Variants in SGCZ observed in about 807,000 individuals in gnomAD.
SGCZ encodes zeta-sarcoglycan.
Under a neutral mutation model 41.3 loss-of-function variants are expected in SGCZ, and 40 were observed. The observed-to-expected ratio is 0.97, with a 90% CI of 0.75 to 1.26. The LOEUF (loss-of-function observed/expected upper bound fraction) is 1.26. Ranked by LOEUF, SGCZ falls within the 50% of genes most tolerant of loss-of-function variation. The pLI, the probability that SGCZ is intolerant of heterozygous loss-of-function variation, is 0.00. For synonymous variants in SGCZ, 206 were observed against 137.5 expected (o/e 1.50, Z -3.49); for missense variants, 552 against 369.8 (o/e 1.49, Z -4.04).
At chr8:14,136,851 A>G (rs527290410) in intron 5 of SGCZ, among the ~76,000 whole-genome samples, 2 of 152,200 alleles carry the variant, frequency 1.3e-5, no homozygotes, top group Non-Finnish European at 2.9e-5. Flanking sequence ...TGCCTCCTCA[A>G]GTGGGTCCCC....
intron 1 of SGCZ, among the ~76,000 whole-genome samples, chr8:14,731,170 T>G (rs891658151): frequency 6.6e-6 from 1 of 151,416 alleles, no homozygotes; most frequent in African/African-American, 2.4e-5. Context: ...ATAAAGAAAA[T>G]GTGGCACATA....
At chr8:14,176,127 G>A (rs1265723312) in intron 4 of SGCZ, among the ~76,000 whole-genome samples, 3 of 152,062 alleles carry the variant, frequency 2.0e-5, no homozygotes, top group African/African-American at 7.2e-5. Context: ...TTTCTCAGTA[G>A]TACAAACAAA....
intron 1 of SGCZ, among the ~76,000 whole-genome samples, chr8:15,053,594 T>C (rs1012389130): frequency 6.6e-6 from 1 of 151,954 alleles, no homozygotes; most frequent in African/African-American, 2.4e-5. Flanking sequence ...CCATTCCGAG[T>C]TTCATGAGAT....
intron 1 of SGCZ, among the ~76,000 whole-genome samples, chr8:14,925,229 A>C (rs750402587): frequency 6.6e-6 from 1 of 152,144 alleles, no homozygotes; most frequent in Non-Finnish European, 1.5e-5. Flanking sequence ...GTATACCACA[A>C]ACTGTCTTAA....
chr8:15,143,445 G>C (rs932011029), intron 1 of SGCZ, among the ~76,000 whole-genome samples: 15 of 152,212 alleles, frequency 9.9e-5, no homozygotes, highest in African/African-American at 3.1e-4. Context: ...ATGTATTTAA[G>C]AGAATTTCAA....
At chr8:14,239,980 T>A (rs1382065523) in intron 3 of SGCZ, among the ~76,000 whole-genome samples, 1 of 149,970 alleles carries the variant, frequency 6.7e-6, no homozygotes, top group Non-Finnish European at 1.5e-5. Flanking sequence ...ATAATTAGGT[T>A]GAGAAGGCAA....
intron 2 of SGCZ, among the ~76,000 whole-genome samples, chr8:14,478,968 C>T (rs1014758709): frequency 3.9e-5 from 6 of 152,182 alleles, no homozygotes; most frequent in African/African-American, 1.2e-4. Flanking sequence ...AAACTGTCTG[C>T]TTCTAATGCC....
At chr8:14,548,042 T>C (rs145097645) in intron 2 of SGCZ, among the ~76,000 whole-genome samples, 10 of 152,294 alleles carry the variant, frequency 6.6e-5, no homozygotes, top group African/African-American at 2.2e-4. Flanking sequence ...TGATAGTATA[T>C]GTTGTTAATT....
intron 1 of SGCZ, among the ~76,000 whole-genome samples, chr8:14,804,431 C>T (rs377663064): frequency 3.6e-5 from 5 of 138,080 alleles, no homozygotes; most frequent in East Asian, 2.4e-4. Context: ...CCGTGAAGAA[C>T]GCAGAAGCCT....
At chr8:14,613,782 G>A (rs7009853) in intron 1 of SGCZ, among the ~76,000 whole-genome samples, 2 of 151,846 alleles carry the variant, frequency 1.3e-5, no homozygotes, top group Non-Finnish European at 2.9e-5. Flanking sequence ...TTAAACAGGG[G>A]TTTAATGAAG....
intron 1 of SGCZ, among the ~76,000 whole-genome samples, chr8:14,721,393 C>G (rs1426371940): frequency 6.6e-6 from 1 of 152,142 alleles, no homozygotes; most frequent in African/African-American, 2.4e-5. Flanking sequence ...ATACCTGATT[C>G]GTGCTTTTAT....
chr8:15,064,294 G>T (rs1217104461), intron 1 of SGCZ, among the ~76,000 whole-genome samples: 1 of 152,044 alleles, frequency 6.6e-6, no homozygotes, highest in East Asian at 1.9e-4. Context: ...TAGGTCTCTA[G>T]CATGCCATAT....
At chr8:14,375,675 G>A (rs1276901086) in intron 2 of SGCZ, among the ~76,000 whole-genome samples, 1 of 152,032 alleles carries the variant, frequency 6.6e-6, no homozygotes, top group Non-Finnish European at 1.5e-5. Context: ...CACAACTGTG[G>A]AAAATAACAC....
intron 1 of SGCZ, among the ~76,000 whole-genome samples, chr8:14,965,268 A>C (rs1050410324): frequency 9.2e-5 from 14 of 152,144 alleles, no homozygotes; most frequent in African/African-American, 3.1e-4. Flanking sequence ...AATCTGGTCC[A>C]GTCAAACTGG....
intron 1 of SGCZ, among the ~76,000 whole-genome samples, chr8:14,638,767 T>C (rs1806919830): frequency 6.6e-6 from 1 of 151,826 alleles, no homozygotes; most frequent in Non-Finnish European, 1.5e-5. Context: ...GAGATTGTAA[T>C]GGTTAGCTAA....
chr8:15,091,858 T>C (rs1207931400), intron 1 of SGCZ, among the ~76,000 whole-genome samples: 1 of 152,142 alleles, frequency 6.6e-6, no homozygotes, highest in Admixed American at 6.5e-5. Context: ...GCTCAGGTGA[T>C]CCTCCCACCT....
chr8:14,687,171 A>ATAT (rs1554480727), intron 1 of SGCZ, among the ~76,000 whole-genome samples: 361 of 141,292 alleles, frequency 2.6e-3, no homozygotes, highest in Middle Eastern at 7.2e-3. Flanking sequence ...AGAAAAAAAA[A>ATAT]ATATATATAT....
intron 4 of SGCZ, among the ~76,000 whole-genome samples, chr8:14,179,824 TC>T (rs1288693173): frequency 6.6e-6 from 1 of 152,014 alleles, no homozygotes; most frequent in Non-Finnish European, 1.5e-5. Flanking sequence ...TAGAAGATAC[TC>T]ATTCCTCACT....
intron 1 of SGCZ, among the ~76,000 whole-genome samples, chr8:14,870,888 G>A (rs188436734): frequency 2.4e-4 from 36 of 152,176 alleles, no homozygotes; most frequent in Middle Eastern, 3.4e-3. Context: ...ACCATCTCAC[G>A]CCAGTCAGAA....
Sources: gnomAD v4.1 joint callset for allele counts (sites outside exome capture counted in the v4.1 genomes callset) on GRCh38, gnomAD v4.1.1 for gene constraint, MANE v1.5 for transcripts, NCBI Gene and HGNC (gene_info 2026-07-23, HGNC 2026-07-21) for gene names.